The following KIF25 variants were observed in gnomAD, a reference collection of about 807,000 sequenced individuals.
KIF25 encodes the protein kinesin family member 25.
A neutral mutation model predicts 32.9 loss-of-function variants in KIF25; 19 were observed. That is an observed-to-expected ratio of 0.58 (90% CI 0.40 to 0.85). The LOEUF is 0.85. Among genes scored for constraint, KIF25 ranks in the 40% least tolerant of loss-of-function variants. The pLI is 0.00. For synonymous variants in KIF25, 225 were observed against 213.7 expected (o/e 1.05, Z -0.46); for missense variants, 485 against 507.0 (o/e 0.96, Z 0.42).
intron 4 of KIF25, among the ~76,000 whole-genome samples, chr6:168,014,813 G>A (rs771914173): frequency 2.0e-5 from 3 of 152,164 alleles, no homozygotes; most frequent in Non-Finnish European, 4.4e-5. Context: ...TATCCACTCT[G>A]TTGATAATCA....
chr6:168,031,304 A>AT (rs143126644), intron 7 of KIF25, among the ~76,000 whole-genome samples: 8 of 152,040 alleles, frequency 5.3e-5, no homozygotes, highest in Non-Finnish European at 8.8e-5. Flanking sequence ...GGAATGAAGA[A>AT]TTTTTTTTTA....
chr6:168,001,042 G>T (rs758961967), intron 2 of KIF25, among the ~76,000 whole-genome samples: 1 of 152,224 alleles, frequency 6.6e-6, no homozygotes, highest in Admixed American at 6.5e-5. Flanking sequence ...AGACATGATT[G>T]TGCTGGCTCT....
rs533895723 is a variant in KIF25, at chr6:168,044,956, C to T, written c.1115C>T (p.Pro372Leu). Residue 372 changes from proline (P) to leucine (L), a missense_variant, in exon 13 of 13, where the codon CCG (proline) becomes CTG (leucine). Physicochemically the swap from Pro to Leu is moderately conservative, Grantham distance 98. Around this residue, in one of 2 missense-constraint regions of KIF25, gnomAD observed 480 missense variants for 470.3 expected, o/e 1.02. Transcript: ENST00000643607. ...CAGCGAGGCCCTGCCCGAAAGAAGCCGCCCAGCTCCCAAACGGAGGGGAAG... is the reference window on the plus strand; with the variant it reads ...CAGCGAGGCCCTGCCCGAAAGAAGCTGCCCAGCTCCCAAACGGAGGGGAAG... The part of the protein sequence containing the change: ...QVQRGPARKK[P>L]PSSQTEGKRR... 9.9e-6 allele frequency: 16 copies of T among 1,608,994 alleles called. No individual in the cohort carries two copies. The highest frequency in any genetic ancestry group is 4.5e-5 in the East Asian group (2 of 44,722).
intron 8 of KIF25, among the ~76,000 whole-genome samples, chr6:168,037,087 G>A (rs938091756): frequency 3.3e-5 from 5 of 152,146 alleles, no homozygotes; most frequent in Non-Finnish European, 7.4e-5. Context: ...TAAATATAAA[G>A]TAAAATAAAA....
intron 5 of KIF25, among the ~76,000 whole-genome samples, chr6:168,022,795 C>T (rs1278454826): frequency 1.5e-5 from 2 of 132,056 alleles, no homozygotes; most frequent in African/African-American, 2.8e-5. Flanking sequence ...TGGTAGGAGA[C>T]TTGTGTACTC....
chr6:168,000,195 A>C (rs13212457), intron 2 of KIF25, among the ~76,000 whole-genome samples: 2 of 88,102 alleles, frequency 2.3e-5, no homozygotes, highest in East Asian at 3.9e-4. Flanking sequence ...ACCACACCTG[A>C]CACTCCCCAC....
At chr6:168,034,342 T>A (rs539692676) in intron 8 of KIF25, among the ~76,000 whole-genome samples, 49 of 152,264 alleles carry the variant, frequency 3.2e-4, no homozygotes, top group Non-Finnish European at 6.3e-4. Flanking sequence ...CACTACAACC[T>A]CCACCTCCTG....
At chr6:168,000,645 A>C (rs1798487710) in intron 2 of KIF25, among the ~76,000 whole-genome samples, 2 of 111,310 alleles carry the variant, frequency 1.8e-5, no homozygotes, top group Admixed American at 9.0e-5. Flanking sequence ...CATCCTGACC[A>C]CACCTGGCCC....
intron 5 of KIF25, among the ~76,000 whole-genome samples, chr6:168,019,314 G>A (rs1221782776): frequency 6.6e-6 from 1 of 152,190 alleles, no homozygotes; most frequent in Non-Finnish European, 1.5e-5. Flanking sequence ...CGGAAATAGA[G>A]CGAGAAATAA....
At chr6:168,037,154 C>G (rs888023802) in intron 8 of KIF25, among the ~76,000 whole-genome samples, 1 of 152,264 alleles carries the variant, frequency 6.6e-6, no homozygotes, top group African/African-American at 2.4e-5. Context: ...GTGTTCTCAG[C>G]AAACCCCAGT....
At position 168,032,175 on chromosome 6, in the gene KIF25, C is replaced by T. The variant is rs377533044; in HGVS notation, c.167+1328C>T. Among the ~76,000 whole-genome samples the T allele has an allele frequency of 9.2e-5, 14 of 152,214 alleles. No individual in the cohort carries two copies. The East Asian group carries it at 1.5e-3, about 17-fold the overall frequency. Reference sequence around the variant, plus strand: ...AGGGTATCGTGAGGCCTGTCCGGCCCCCACTTCCCGTCATGGCCTGAACCA... The same window carrying T: ...AGGGTATCGTGAGGCCTGTCCGGCCTCCACTTCCCGTCATGGCCTGAACCA... On this transcript the variant is annotated intron_variant, in intron 7 of 12. Transcript: ENST00000643607.
At chr6:168,041,742 G>A (rs1270392509) in intron 10 of KIF25, among the ~76,000 whole-genome samples, 1 of 152,178 alleles carries the variant, frequency 6.6e-6, no homozygotes, top group Non-Finnish European at 1.5e-5. Context: ...GGGCCAATTA[G>A]GCATTAGTTC....
chr6:168,038,989 T>C (rs1799076976), intron 9 of KIF25, among the ~76,000 whole-genome samples: 1 of 152,224 alleles, frequency 6.6e-6, no homozygotes, highest in South Asian at 2.1e-4. Context: ...CAGGATGATA[T>C]ATTTGTTAAT....
intron 5 of KIF25, among the ~76,000 whole-genome samples, chr6:168,018,839 G>A (rs149813495): frequency 2.0e-5 from 3 of 152,296 alleles, no homozygotes; most frequent in East Asian, 1.9e-4. Context: ...AGCCTGTGTC[G>A]CTCGATAGGG....
intron 4 of KIF25, among the ~76,000 whole-genome samples, chr6:168,009,422 C>T (rs1471685044): frequency 3.3e-5 from 5 of 152,102 alleles, no homozygotes; most frequent in Non-Finnish European, 5.9e-5. Flanking sequence ...GGATAAATCC[C>T]ACTTCATCAT....
chr6:168,041,010 G>T (rs1369371921), intron 10 of KIF25, among the ~76,000 whole-genome samples: 1 of 152,338 alleles, frequency 6.6e-6, no homozygotes, highest in African/African-American at 2.4e-5. Context: ...CTCAGGTTCA[G>T]CAGGGCTGGG....
intron 12 of KIF25, 85 bp from the exon 13 acceptor site, chr6:168,044,742 C>T: frequency 1.5e-6 from 2 of 1,372,854 alleles, no homozygotes; most frequent in South Asian, 1.4e-5. Context: ...TGCAGCCGCC[C>T]ATCTCGGGCC....
At chr6:167,999,841 A>G (rs1798472398) in intron 2 of KIF25, among the ~76,000 whole-genome samples, 1 of 152,120 alleles carries the variant, frequency 6.6e-6, no homozygotes, top group South Asian at 2.1e-4. Flanking sequence ...CTTGAAAACC[A>G]TACTCAATAT....
Position 168,005,515 on chromosome 6 carries a change from C to G in KIF25, c.-163+1812C>G, listed in dbSNP as rs568655880. ...CTGCTCAGCTTCGACCCTGTATTAG[C>G]CAGGGATCTCTAGAGGGACAGAACG... On this transcript the variant is annotated intron_variant, in intron 4 of 12. Transcript: ENST00000643607. Among the ~76,000 whole-genome samples the G allele has an allele frequency of 2.6e-5, 4 of 152,226 alleles. No homozygotes were observed. The South Asian group carries it at 8.3e-4, about 32-fold the overall frequency.
Sources: gnomAD v4.1 joint callset for allele counts (sites outside exome capture counted in the v4.1 genomes callset) on GRCh38, gnomAD v4.1.1 for gene constraint, gnomAD v4.1.1 regional missense constraint, MANE v1.5 for transcripts, NCBI Gene and HGNC (gene_info 2026-07-23, HGNC 2026-07-21) for gene names.